The following OSBPL3 variants were observed in gnomAD, a reference collection of about 807,000 sequenced individuals.
OSBPL3 encodes the protein oxysterol-binding protein-related protein 3.
A neutral mutation model predicts 120.1 loss-of-function variants in OSBPL3; 65 were observed. The ratio of observed to expected loss-of-function variants is 0.54; its 90% CI spans 0.44 to 0.67. The LOEUF is 0.67. Among genes scored for constraint, OSBPL3 ranks in the 30% least tolerant of loss-of-function variants. The pLI is 0.00. For missense variants in OSBPL3, 1,004 were observed against 1,082.1 expected (o/e 0.93, Z 1.01); for synonymous variants, 416 against 402.6 (o/e 1.03, Z -0.40).
In OSBPL3 at chr7:24,852,297, G is replaced by GT. The variant is rs1799257064; in HGVS notation, c.1158+206dup. On this transcript the variant is annotated intron_variant, in intron 11 of 22. Coordinates refer to ENST00000313367, the MANE Select transcript of OSBPL3 (RefSeq NM_015550.4). The surrounding 1 kb of genome is among the most constrained non-coding windows in gnomAD (Gnocchi z 4.1). The stretch of plus-strand genomic sequence containing the variant: ...TCAGAGGAAACCAAACTTAAAGAAG[G>GT]TATCACTTAATAAAATACTAGCTAT... Among the ~76,000 whole-genome samples, 1 of 152,156 alleles carries GT rather than the reference G, an allele frequency of 6.6e-6. No individual in the cohort carries two copies.
At chr7:24,812,436 C>CTCAGT (rs996634681) in intron 19 of OSBPL3, among the ~76,000 whole-genome samples, 2 of 152,040 alleles carry the variant, frequency 1.3e-5, no homozygotes, top group East Asian at 3.9e-4. Flanking sequence ...CTCTATTCTG[C>CTCAGT]TCAGTTCAGC....
chr7:24,928,481 G>A (rs920498367), intron 1 of OSBPL3, among the ~76,000 whole-genome samples: 12 of 152,140 alleles, frequency 7.9e-5, no homozygotes, highest in East Asian at 1.9e-4. Flanking sequence ...ATCAGCCACC[G>A]TGCCCGGCCA....
chr7:24,926,053 G>A (rs1239492185), intron 1 of OSBPL3, among the ~76,000 whole-genome samples: 1 of 152,222 alleles, frequency 6.6e-6, no homozygotes, highest in Non-Finnish European at 1.5e-5. Context: ...CTATCAGGCA[G>A]TTCCCATAAC....
intron 1 of OSBPL3, among the ~76,000 whole-genome samples, chr7:24,897,621 G>A (rs1337541068): frequency 4.6e-5 from 7 of 152,082 alleles, no homozygotes; most frequent in African/African-American, 7.2e-5. Context: ...CACCGCGCCC[G>A]GCCAGATGGC....
intron 1 of OSBPL3, among the ~76,000 whole-genome samples, chr7:24,904,613 A>G (rs1441042489): frequency 6.6e-6 from 1 of 152,206 alleles, no homozygotes; most frequent in Non-Finnish European, 1.5e-5. Context: ...ATTTGTGGCG[A>G]TCACCGAACC....
rs956784808 is a variant in OSBPL3, at chr7:24,968,753, T to C, written c.-150+11133A>G. 6.6e-6 allele frequency among the ~76,000 whole-genome samples: 1 copy of C among 152,220 alleles called. No homozygotes were observed. Among genetic ancestry groups the C allele is most frequent in the Non-Finnish European group, 1.5e-5 (1 of 68,040 alleles). Reference sequence around the variant, plus strand: ...ATGCATGAATATATGTCCATGTGTATATGCATACTTTCATATAAAATATAT... The same window carrying C: ...ATGCATGAATATATGTCCATGTGTACATGCATACTTTCATATAAAATATAT... On this transcript the variant is annotated intron_variant, in intron 1 of 22. Coordinates refer to ENST00000313367, the MANE Select transcript of OSBPL3 (RefSeq NM_015550.4). The surrounding 1 kb of genome is among the most constrained non-coding windows in gnomAD (Gnocchi z 4.6).
rs925439079 is a variant in OSBPL3 at position 24,867,693 on chromosome 7, A to T, written c.382-1456T>A. Among the ~76,000 whole-genome samples the T allele has an allele frequency of 1.6e-4, 24 of 152,124 alleles. No homozygotes were observed. Among genetic ancestry groups the T allele is most frequent in the Non-Finnish European group, 3.4e-4 (23 of 68,026 alleles). ...GTCTATTAAACCTCTTTCTTTTGTA[A>T]ATTGCCCAGTCTCGGGTATGTCTTT... On this transcript the variant is annotated intron_variant, in intron 5 of 22. Transcript: ENST00000313367. The surrounding 1 kb of genome is among the most constrained non-coding windows in gnomAD (Gnocchi z 4.5).
Position 24,840,758 on chromosome 7 carries a change from C to G in OSBPL3, c.1427G>C (p.Ser476Thr). ...TAAGGAAAGATTATCACTTATGTCA[C>G]TGACATATGAGTCATCATCAGAAAT... The part of the protein sequence containing the change: ...NEISDDDSYV[S>T]DISDNLSLDN... The change falls in exon 14 of 23, where the codon AGT becomes ACT. Residue 476 changes from serine to threonine, a missense_variant. This residue lies in a region of OSBPL3 where 473 missense variants were observed against 568.0 expected (regional missense o/e 0.83). Transcript: ENST00000313367. 6.9e-7 allele frequency: 1 copy of G among 1,454,742 alleles called. No homozygotes were observed. Among genetic ancestry groups the G allele is most frequent in the Non-Finnish European group, 9.5e-7 (1 of 1,053,608 alleles). 90.1% of individuals were successfully genotyped at this position (1,454,742 alleles called of 1,614,324 possible). A position where few individuals can be genotyped will look rare whatever the true frequency, so the allele number is the denominator to read the frequency against.
intron 4 of OSBPL3, 110 bp from the exon 5 acceptor site, chr7:24,870,955 C>T (rs1429909322): frequency 1.1e-5 from 8 of 738,360 alleles, no homozygotes; most frequent in African/African-American, 1.7e-5. Context: ...AACACTGCGA[C>T]TCATCAAGCA....
Position 24,964,271 on chromosome 7 carries a change from T to C in OSBPL3, c.-150+15615A>G, listed in dbSNP as rs1462661624. ...AATAACTTACTTCCAAAGAGTATAGTATGGAAAGGCGAAGAAAAAATAACC... is the reference window on the plus strand; with the variant it reads ...AATAACTTACTTCCAAAGAGTATAGCATGGAAAGGCGAAGAAAAAATAACC... On this transcript the variant is annotated intron_variant, in intron 1 of 22. Transcript: ENST00000313367. This position sits in a 1 kb window ranked among gnomAD's most constrained non-coding sequence, Gnocchi z 4.2. 6.6e-6 allele frequency among the ~76,000 whole-genome samples: 1 copy of C among 152,170 alleles called. No homozygotes were observed. The highest frequency in any genetic ancestry group is 1.5e-5 in the Non-Finnish European group (1 of 68,042).
At chr7:24,866,288 G>C in intron 5 of OSBPL3, 51 bp from the exon 6 acceptor site, 1 of 1,334,408 alleles carries the variant, frequency 7.5e-7, no homozygotes, top group Non-Finnish European at 1.1e-6. Context: ...TTCACTGGAA[G>C]GAACAATTAC....
In OSBPL3 at chr7:24,903,883, AT is replaced by A. The variant is rs5882953; in HGVS notation, c.-149-11263del. Among the ~76,000 whole-genome samples, 440 of 138,886 alleles carry A rather than the reference AT, an allele frequency of 3.2e-3. 1 individual carries two copies. Among genetic ancestry groups the A allele is most frequent in the African/African-American group, 7.7e-3 (286 of 37,188 alleles). 91.1% of individuals were successfully genotyped at this position (138,886 alleles called of 152,430 possible). A position where few individuals can be genotyped will look rare whatever the true frequency, so the allele number is the denominator to read the frequency against. On this transcript the variant is annotated intron_variant, in intron 1 of 22. Coordinates refer to ENST00000313367, the MANE Select transcript of OSBPL3 (RefSeq NM_015550.4). ...ACTGGCTACCATGTTCTCACCACCA[AT>A]TTTTTTTTTTTTTTTTGAGACAGAC...
intron 14 of OSBPL3, among the ~76,000 whole-genome samples, chr7:24,840,156 G>A (rs539195198): frequency 2.0e-5 from 1 of 50,636 alleles, no homozygotes; most frequent in Non-Finnish European, 4.4e-5. Context: ...AAAATCCTAG[G>A]GGGTGGGGTC....
In OSBPL3 at chr7:24,959,657, T is replaced by C. The variant is rs1815493295; in HGVS notation, c.-150+20229A>G. Among the ~76,000 whole-genome samples, 1 of 152,242 alleles carries C rather than the reference T, an allele frequency of 6.6e-6. No individual in the cohort carries two copies. The highest frequency in any genetic ancestry group is 6.5e-5 in the Admixed American group (1 of 15,286). On this transcript the variant is annotated intron_variant, in intron 1 of 22. Coordinates refer to ENST00000313367, the MANE Select transcript of OSBPL3 (RefSeq NM_015550.4). The surrounding 1 kb of genome is among the most constrained non-coding windows in gnomAD (Gnocchi z 4.3). ...CATTAGATTATATGTTGATGCTTTG[T>C]ATACTTTTCTGCAGGCATATTATAC...
At position 24,834,701 on chromosome 7, in the gene OSBPL3, G is replaced by A. The variant is rs769760867; in HGVS notation, c.1531C>T (p.Arg511Trp). The change falls in exon 15 of 23, where the codon CGG becomes TGG. Residue 511 changes from arginine (R) to tryptophan (W), a missense_variant. Physicochemically the swap from Arg to Trp is moderately radical, Grantham distance 101 (BLOSUM62 -3). Transcript: ENST00000313367. This position sits in a 1 kb window ranked among gnomAD's most constrained non-coding sequence, Gnocchi z 5.2. Reference sequence around the variant, plus strand: ...GGCGCCGGCAGGCACGTTCTTCTCCGGGACTTCGCTTCCCGACCACTATCA... The same window carrying A: ...GGCGCCGGCAGGCACGTTCTTCTCCAGGACTTCGCTTCCCGACCACTATCA... ...VLDSGREAKSRRRTCLPAPCP... is the reference protein window; with the variant it reads ...VLDSGREAKSWRRTCLPAPCP... 1.5e-5 allele frequency: 25 copies of A among 1,613,220 alleles called. No individual in the cohort carries two copies. Among genetic ancestry groups the A allele is most frequent in the Non-Finnish European group, 1.9e-5 (22 of 1,179,712 alleles).
chr7:24,948,574 T>C (rs909996708), intron 1 of OSBPL3, among the ~76,000 whole-genome samples: 4 of 152,246 alleles, frequency 2.6e-5, no homozygotes, highest in Non-Finnish European at 5.9e-5. Context: ...CTTCCAGCCC[T>C]ATTCTATTAT....
rs1398358918 is a variant in OSBPL3 at position 24,936,922 on chromosome 7, A to G, written c.-150+42964T>C. Among the ~76,000 whole-genome samples, 1 of 152,232 alleles carries G rather than the reference A, an allele frequency of 6.6e-6. No individual in the cohort carries two copies. The highest frequency in any genetic ancestry group is 1.5e-5 in the Non-Finnish European group (1 of 68,040). ...CTTAAAACTATATACCGGGTGAAAA[A>G]CAATGAGGTCCTGACTAGAGGCAGC... On this transcript the variant is annotated intron_variant, in intron 1 of 22. Transcript: ENST00000313367. The surrounding 1 kb of genome is among the most constrained non-coding windows in gnomAD (Gnocchi z 4.2).
In OSBPL3 at chr7:24,879,191, G is replaced by C. The variant is rs1175207041; in HGVS notation, c.97-7122C>G. 6.6e-6 allele frequency among the ~76,000 whole-genome samples: 1 copy of C among 152,154 alleles called. No homozygotes were observed. The highest frequency in any genetic ancestry group is 6.5e-5 in the Admixed American group (1 of 15,276). On this transcript the variant is annotated intron_variant, in intron 2 of 22. Coordinates refer to ENST00000313367, the MANE Select transcript of OSBPL3 (RefSeq NM_015550.4). This position sits in a 1 kb window ranked among gnomAD's most constrained non-coding sequence, Gnocchi z 5.6. ...GATTCCAAGACTGGCAGGGAGTTTA[G>C]AACAAGTGAGCTATGAGATCCTTTC...
chr7:24,806,268 T>C lies in OSBPL3; in HGVS notation c.2444+508A>G, dbSNP rs1340187065. Among the ~76,000 whole-genome samples, 3 of 152,210 alleles carry C rather than the reference T, an allele frequency of 2.0e-5. No homozygotes were observed. Among genetic ancestry groups the C allele is most frequent in the Admixed American group, 6.5e-5 (1 of 15,284 alleles). On this transcript the variant is annotated intron_variant, in intron 21 of 22. Coordinates refer to ENST00000313367, the MANE Select transcript of OSBPL3 (RefSeq NM_015550.4). This position sits in a 1 kb window ranked among gnomAD's most constrained non-coding sequence, Gnocchi z 5.2. ...CAAATGTAACAATCTTTTCTTTCCT[T>C]GGGCTTCTAGATTTTGAGTCTTAAT...
Sources: allele counts gnomAD v4.1 joint callset (sites outside exome capture counted in the v4.1 genomes callset), GRCh38; gene constraint gnomAD v4.1.1; regional missense constraint gnomAD v4.1.1; non-coding constraint Gnocchi (gnomAD v3.1); transcripts MANE v1.5; gene names NCBI Gene and HGNC (gene_info 2026-07-23, HGNC 2026-07-21).